Variants in NECTIN1 observed in about 807,000 individuals in gnomAD.
The protein encoded by NECTIN1 is nectin cell adhesion molecule 1, also known as nectin-1.
Under a neutral mutation model 48.0 loss-of-function variants are expected in NECTIN1, and 23 were observed. The observed-to-expected ratio is 0.48, with a 90% confidence interval of 0.34 to 0.68. The LOEUF (loss-of-function observed/expected upper bound fraction) is 0.68, where lower values mean the gene tolerates loss of function less well. NECTIN1 is among the 30% of genes least tolerant of loss of function. The pLI, the probability that NECTIN1 is intolerant of heterozygous loss-of-function variation, is 0.01. For missense variants in NECTIN1, 591 were observed against 709.9 expected (o/e 0.83, Z 1.90); for synonymous variants, 270 against 288.9 (o/e 0.93, Z 0.66).
intron 7 of NECTIN1, chr11:119,638,299 A>T: frequency 6.2e-7 from 1 of 1,609,226 alleles, no homozygotes; most frequent in Non-Finnish European, 8.5e-7. Flanking sequence ...CCCCTGCTCC[A>T]GGTGGCCCTC....
At chr11:119,648,528 G>T in intron 5 of NECTIN1, among the ~76,000 whole-genome samples, 1 of 149,944 alleles carries the variant, frequency 6.7e-6, no homozygotes, top group Admixed American at 6.7e-5. Flanking sequence ...ACCTCCTGGA[G>T]CCACTGTCCA....
At chr11:119,711,708 C>G (rs1039904520) in intron 1 of NECTIN1, among the ~76,000 whole-genome samples, 2 of 152,096 alleles carry the variant, frequency 1.3e-5, no homozygotes, top group African/African-American at 4.8e-5. Context: ...ACTGGAGAAG[C>G]CAGGAGCAGT....
At chr11:119,643,592 C>G (rs939220549) in intron 5 of NECTIN1, among the ~76,000 whole-genome samples, 1 of 152,212 alleles carries the variant, frequency 6.6e-6, no homozygotes, top group African/African-American at 2.4e-5. Flanking sequence ...CTACCCCCTC[C>G]CTGAATAGGG....
chr11:119,655,353 T>TA (rs1341295309), intron 5 of NECTIN1, among the ~76,000 whole-genome samples: 1 of 151,984 alleles, frequency 6.6e-6, no homozygotes, highest in African/African-American at 2.4e-5. Context: ...GTACTAAAAA[T>TA]AAAAAACATT....
intron 1 of NECTIN1, among the ~76,000 whole-genome samples, chr11:119,706,470 G>C (rs980017597): frequency 1.3e-5 from 2 of 152,134 alleles, no homozygotes; most frequent in African/African-American, 4.8e-5. Context: ...TGGTTGCCTA[G>C]GAAGAGGGAG....
At chr11:119,691,303 CT>C (rs1346156966) in intron 1 of NECTIN1, among the ~76,000 whole-genome samples, 1 of 152,238 alleles carries the variant, frequency 6.6e-6, no homozygotes, top group Admixed American at 6.5e-5. Context: ...TCCTCTGGAG[CT>C]CCAGGTCTAA....
chr11:119,660,171 C>T (rs189468041), downstream of NECTIN1, among the ~76,000 whole-genome samples: 4 of 152,164 alleles, frequency 2.6e-5, no homozygotes, highest in Admixed American at 1.3e-4. Context: ...TCCCAGGGGT[C>T]GTTGGTGTGG....
intron 1 of NECTIN1, among the ~76,000 whole-genome samples, chr11:119,718,133 G>C (rs1865774970): frequency 6.6e-6 from 1 of 152,192 alleles, no homozygotes; most frequent in African/African-American, 2.4e-5. Flanking sequence ...TGACCTGCAG[G>C]GTCAGGGTGT....
chr11:119,718,296 C>T (rs1281833754), intron 1 of NECTIN1, among the ~76,000 whole-genome samples: 6 of 152,184 alleles, frequency 3.9e-5, no homozygotes, highest in Non-Finnish European at 8.8e-5. Flanking sequence ...TCTCTGCCCT[C>T]GCCTATGAAG....
rs751669551 is a variant in NECTIN1, at chr11:119,664,733, C to A, written c.*14G>T. The A allele has an allele frequency of 1.4e-5, 23 of 1,599,962 alleles. No individual in the cohort carries two copies. Among genetic ancestry groups the A allele is most frequent in the African/African-American group, 9.4e-5 (7 of 74,586 alleles). The stretch of plus-strand genomic sequence containing the variant: ...GGGGAGGAGCGGTCACAGACAGAGG[C>A]TCTGGAAGGGGGGCTACACGTACCA... On this transcript the variant is annotated 3_prime_UTR_variant, in exon 6 of 6. Transcript: ENST00000264025.
At chr11:119,717,433 G>T (rs887626655) in intron 1 of NECTIN1, among the ~76,000 whole-genome samples, 1 of 152,194 alleles carries the variant, frequency 6.6e-6, no homozygotes, top group African/African-American at 2.4e-5. Flanking sequence ...CAACGGCAGG[G>T]CTGGCCACCC....
intron 5 of NECTIN1, chr11:119,674,486 C>T (rs906542759): frequency 2.5e-6 from 4 of 1,612,262 alleles, no homozygotes; most frequent in African/African-American, 2.7e-5. Context: ...CTTCAAGGTA[C>T]ATCATACTGT....
chr11:119,674,328 C>T, intron 5 of NECTIN1: 1 of 1,367,672 alleles, frequency 7.3e-7, no homozygotes, highest in Non-Finnish European at 9.5e-7. Flanking sequence ...TGGCAGTTTA[C>T]CCCTGTGTGG....
rs1865628038 is a variant in NECTIN1, at chr11:119,710,684, A to G, written c.79+17791T>C. Among the ~76,000 whole-genome samples the G allele has an allele frequency of 1.3e-5, 2 of 152,210 alleles. 1 individual carries two copies. Among genetic ancestry groups the G allele is most frequent in the South Asian group, 4.1e-4 (2 of 4,834 alleles). On this transcript the variant is annotated intron_variant, in intron 1 of 5. Coordinates refer to ENST00000264025, the MANE Select transcript of NECTIN1 (RefSeq NM_002855.5). ...TCCTCCAGGCAGAGGAGACAGGAAC[A>G]GCAAAGGCATGGTGGACTGAAAGGT...
In NECTIN1 at chr11:119,709,293, T is replaced by C. The variant is rs967017327; in HGVS notation, c.79+19182A>G. 3.9e-5 allele frequency among the ~76,000 whole-genome samples: 6 copies of C among 152,050 alleles called. No homozygotes were observed. The highest frequency in any genetic ancestry group is 1.4e-4 in the African/African-American group (6 of 41,380). ...GAGACCCCCTCACTCATATCCCCAG[T>C]GTACCAGGGCCTGTCTCAGCCCCTG... On this transcript the variant is annotated intron_variant, in intron 1 of 5. Coordinates refer to ENST00000264025, the MANE Select transcript of NECTIN1 (RefSeq NM_002855.5). This position sits in a 1 kb window ranked among gnomAD's most constrained non-coding sequence, Gnocchi z 4.1.
At chr11:119,660,387 C>G (rs962144605), downstream of NECTIN1, among the ~76,000 whole-genome samples, 2 of 151,796 alleles carry the variant, frequency 1.3e-5, no homozygotes, top group Non-Finnish European at 2.9e-5. Flanking sequence ...ACAACCAGCC[C>G]CCTGGAGAAA....
In NECTIN1 at chr11:119,664,912, G is replaced by A. The variant is rs151300772; in HGVS notation, c.1389C>T (p.Asp463=). The A allele has an allele frequency of 5.0e-5, 81 of 1,613,776 alleles. No homozygotes were observed. Among genetic ancestry groups the A allele is most frequent in the Middle Eastern group, 1.6e-4 (1 of 6,082 alleles). The change falls in exon 6 of 6, where the codon GAC becomes GAT. Residue 463 remains aspartate (D), a synonymous_variant. Coordinates refer to ENST00000264025, the MANE Select transcript of NECTIN1 (RefSeq NM_002855.5). ...VGGPHPKYDE[D]AKRPYFTVDE... is the part of the protein sequence containing the mutation. The stretch of plus-strand genomic sequence containing the variant: ...CCACGGTGAAGTAGGGCCGCTTGGC[G>A]TCCTCGTCATATTTGGGGTGGGGGC...
chr11:119,658,814 T>C (rs4445648), downstream of NECTIN1, among the ~76,000 whole-genome samples: 114,861 of 151,644 alleles, frequency 0.76, 43,637 homozygotes, highest in Admixed American at 0.79. Flanking sequence ...GCCACCCCTT[T>C]CCCTGGGTTC....
intron 1 of NECTIN1, among the ~76,000 whole-genome samples, chr11:119,681,142 G>C (rs1004851418): frequency 2.0e-5 from 3 of 152,074 alleles, no homozygotes; most frequent in Admixed American, 6.5e-5. Flanking sequence ...TTGCTGACGG[G>C]CTAGTTGGCA....
Sources: allele counts gnomAD v4.1 joint callset (sites outside exome capture counted in the v4.1 genomes callset), GRCh38; gene constraint gnomAD v4.1.1; non-coding constraint Gnocchi (gnomAD v3.1); transcripts MANE v1.5; gene names NCBI Gene and HGNC (gene_info 2026-07-23, HGNC 2026-07-21).